KHDRBS2: variants seen among roughly 807,000 people sequenced by gnomAD.
The protein encoded by KHDRBS2 is KH RNA binding domain containing, signal transduction associated 2.
Under a neutral mutation model 44.3 loss-of-function variants are expected in KHDRBS2, and 26 were observed. That is an observed-to-expected ratio of 0.59 (90% CI 0.43 to 0.81). KHDRBS2 has a LOEUF of 0.81. Ranked by LOEUF, KHDRBS2 falls within the 40% of genes least tolerant of loss-of-function variation. KHDRBS2 has a pLI of 0.00. For synonymous variants in KHDRBS2, 194 were observed against 151.1 expected (o/e 1.28, Z -2.08); for missense variants, 476 against 433.1 (o/e 1.10, Z -0.88).
intron 1 of KHDRBS2, among the ~76,000 whole-genome samples, chr6:62,284,793 A>T (rs1561919531): frequency 1.3e-5 from 2 of 152,178 alleles, no homozygotes; most frequent in African/African-American, 4.8e-5. Context: ...TTTAAATCAT[A>T]TATTGAGGAG....
intron 2 of KHDRBS2, among the ~76,000 whole-genome samples, chr6:62,171,081 A>G (rs1819904967): frequency 6.6e-6 from 1 of 152,078 alleles, no homozygotes; most frequent in South Asian, 2.1e-4. Flanking sequence ...CCTACCTCCA[A>G]ACAACTTAAT....
intron 6 of KHDRBS2, among the ~76,000 whole-genome samples, chr6:61,811,545 T>C (rs1743458): frequency 0.22 from 33,566 of 152,074 alleles, 4,634 homozygotes; most frequent in South Asian, 0.35. Context: ...CCACAGTGGC[T>C]GAACTAATTT....
chr6:61,748,731 C>A (rs1412370998), intron 6 of KHDRBS2, among the ~76,000 whole-genome samples: 2 of 152,050 alleles, frequency 1.3e-5, no homozygotes, highest in Non-Finnish European at 2.9e-5. Flanking sequence ...TGATTCATTT[C>A]TTTCCAAATT....
chr6:61,919,999 A>G (rs1807757429), intron 4 of KHDRBS2, among the ~76,000 whole-genome samples: 2 of 151,968 alleles, frequency 1.3e-5, no homozygotes, highest in Non-Finnish European at 1.5e-5. Context: ...ACCAAAATCA[A>G]TTGAAGATAT....
the KHDRBS2 span, among the ~76,000 whole-genome samples, chr6:61,666,949 G>A: frequency 6.8e-6 from 1 of 148,028 alleles, no homozygotes; most frequent in Non-Finnish European, 1.5e-5. Flanking sequence ...ATTAAATTAA[G>A]ATCAACTGCT....
intron 3 of KHDRBS2, among the ~76,000 whole-genome samples, chr6:62,010,941 T>A (rs1780182599): frequency 6.6e-6 from 1 of 152,080 alleles, no homozygotes. Flanking sequence ...CCTCCTGTAT[T>A]AAAAAAATAA....
the KHDRBS2 span, among the ~76,000 whole-genome samples, chr6:61,640,630 T>C: frequency 2.6e-5 from 4 of 152,134 alleles, no homozygotes; most frequent in African/African-American, 9.7e-5. Flanking sequence ...TTCAACACAA[T>C]AGATAGTTGC....
intron 2 of KHDRBS2, among the ~76,000 whole-genome samples, chr6:62,058,847 T>A (rs1228055499): frequency 1.3e-5 from 2 of 151,824 alleles, no homozygotes; most frequent in African/African-American, 4.8e-5. Flanking sequence ...AGCAGAATGA[T>A]TTAGAATTAA....
the KHDRBS2 span, among the ~76,000 whole-genome samples, chr6:61,600,279 G>T: frequency 6.6e-6 from 1 of 152,028 alleles, no homozygotes; most frequent in East Asian, 1.9e-4. Flanking sequence ...AATCACAAAA[G>T]AAGTGAAAAT....
At chr6:61,677,896 C>G (rs1161756809), downstream of KHDRBS2, among the ~76,000 whole-genome samples, 1 of 151,904 alleles carries the variant, frequency 6.6e-6, no homozygotes, top group Admixed American at 6.6e-5. Context: ...TTTCCTTCCA[C>G]TCCACCTCAT....
chr6:61,738,150 TAA>T (rs1279024241), intron 6 of KHDRBS2, among the ~76,000 whole-genome samples: 2 of 152,026 alleles, frequency 1.3e-5, no homozygotes, highest in Admixed American at 1.3e-4. Flanking sequence ...ATATTTCTAC[TAA>T]AAAATACTAC....
intron 1 of KHDRBS2, among the ~76,000 whole-genome samples, chr6:62,192,351 A>G (rs1026243044): frequency 7.2e-5 from 11 of 152,118 alleles, no homozygotes; most frequent in African/African-American, 2.7e-4. Flanking sequence ...GTTGCCAAAG[A>G]TATCTTGAAA....
At chr6:62,058,557 T>A (rs1272598453) in intron 2 of KHDRBS2, among the ~76,000 whole-genome samples, 1 of 151,848 alleles carries the variant, frequency 6.6e-6, no homozygotes, top group Non-Finnish European at 1.5e-5. Flanking sequence ...TTGCACTAAG[T>A]GGGACCGTAG....
intron 6 of KHDRBS2, chr6:61,813,841 G>T (rs147121464): frequency 2.5e-4 from 105 of 424,782 alleles, no homozygotes; most frequent in African/African-American, 1.8e-3. Context: ...TTCCTCCTTG[G>T]TGACCTTCCA....
chr6:61,896,259 T>C (rs1184327389), intron 5 of KHDRBS2, among the ~76,000 whole-genome samples: 1 of 152,200 alleles, frequency 6.6e-6, no homozygotes, highest in African/African-American at 2.4e-5. Context: ...TTTAGCATTT[T>C]AACACTCTCA....
intron 4 of KHDRBS2, among the ~76,000 whole-genome samples, chr6:61,915,589 ACTC>A (rs1806845544): frequency 6.6e-6 from 1 of 151,952 alleles, no homozygotes; most frequent in African/African-American, 2.4e-5. Context: ...TATTCATAAA[ACTC>A]CTACTCAAAT....
intron 4 of KHDRBS2, among the ~76,000 whole-genome samples, chr6:61,934,553 T>C (rs1183097976): frequency 6.6e-6 from 1 of 152,218 alleles, no homozygotes; most frequent in African/African-American, 2.4e-5. Context: ...CTTTTCACTA[T>C]GAATTGTACA....
chr6:61,810,924 AC>A (rs2127592609), intron 6 of KHDRBS2, among the ~76,000 whole-genome samples: 1 of 152,072 alleles, frequency 6.6e-6, no homozygotes, highest in Non-Finnish European at 1.5e-5. Flanking sequence ...CCCATGGAAA[AC>A]CATTTTATTT....
intron 1 of KHDRBS2, among the ~76,000 whole-genome samples, chr6:62,272,857 G>A (rs776972560): frequency 6.6e-6 from 1 of 152,156 alleles, no homozygotes; most frequent in Non-Finnish European, 1.5e-5. Flanking sequence ...AGTTAGAAAG[G>A]TGGAAGTAGA....
Sources: gnomAD v4.1 joint callset for allele counts (sites outside exome capture counted in the v4.1 genomes callset) on GRCh38, gnomAD v4.1.1 for gene constraint, MANE v1.5 for transcripts, NCBI Gene and HGNC (gene_info 2026-07-23, HGNC 2026-07-21) for gene names.